PTPRN2: variants seen among roughly 807,000 people sequenced by gnomAD.
PTPRN2 encodes protein tyrosine phosphatase receptor type N2.
Under a neutral mutation model 118.8 loss-of-function variants are expected in PTPRN2, and 74 were observed. The observed-to-expected ratio is 0.62, with a 90% CI of 0.52 to 0.76. The LOEUF is 0.76. Ranked by LOEUF, PTPRN2 falls within the 30% of genes least tolerant of loss-of-function variation. The probability of loss-of-function intolerance (pLI) is 0.00; values close to 1 mark genes in which losing one functional copy is unlikely to be tolerated. For missense variants in PTPRN2, 1,481 were observed against 1,394.4 expected (o/e 1.06, Z -0.99); for synonymous variants, 641 against 608.0 (o/e 1.05, Z -0.80).
intron 2 of PTPRN2, among the ~76,000 whole-genome samples, chr7:158,419,591 G>A (rs561020028): frequency 2.0e-3 from 304 of 152,194 alleles, no homozygotes; most frequent in African/African-American, 6.9e-3. Context: ...GACTCACACA[G>A]CCCTCCTTCC....
intron 21 of PTPRN2, among the ~76,000 whole-genome samples, chr7:157,566,592 A>G (rs761154274): frequency 9.8e-5 from 15 of 152,296 alleles, no homozygotes; most frequent in South Asian, 6.2e-4. Flanking sequence ...AGGGTCACCA[A>G]TCTCAGAAAA....
intron 12 of PTPRN2, among the ~76,000 whole-genome samples, chr7:157,815,206 G>T (rs1013941261): frequency 6.6e-6 from 1 of 152,208 alleles, no homozygotes; most frequent in Non-Finnish European, 1.5e-5. Context: ...GTGGGCAGGC[G>T]CTGGGCACGC....
intron 3 of PTPRN2, among the ~76,000 whole-genome samples, chr7:158,252,038 G>A (rs545627471): frequency 3.3e-4 from 50 of 152,262 alleles, no homozygotes; most frequent in African/African-American, 1.0e-3. Flanking sequence ...CCTCCTCATC[G>A]TCTGTGGGAC....
intron 6 of PTPRN2, among the ~76,000 whole-genome samples, chr7:158,166,005 T>C (rs1450681742): frequency 2.6e-5 from 4 of 152,166 alleles, no homozygotes; most frequent in Non-Finnish European, 5.9e-5. Flanking sequence ...TACGGTCACA[T>C]GCTGGGCCAC....
In PTPRN2 at chr7:158,271,434, C is replaced by T. The variant is rs188785370; in HGVS notation, c.277+45385G>A. ...ATTTATAATGAAAAGCCACAATCAA[C>T]GCTAAGCAATACCAATGGTCACAAT... On this transcript the variant is annotated intron_variant, in intron 3 of 22. Transcript: ENST00000389418. 1.3e-3 allele frequency among the ~76,000 whole-genome samples: 203 copies of T among 152,312 alleles called. 2 individuals are homozygous for T. The highest frequency in any genetic ancestry group is 4.4e-3 in the African/African-American group (181 of 41,564).
intron 21 of PTPRN2, among the ~76,000 whole-genome samples, chr7:157,561,840 G>A (rs746098927): frequency 7.2e-5 from 11 of 152,230 alleles, no homozygotes; most frequent in Admixed American, 2.0e-4. Flanking sequence ...AGGAGGATGG[G>A]GCTTCTCTGT....
chr7:157,898,751 T>C lies in PTPRN2; in HGVS notation c.1724-14A>G, dbSNP rs764324181. 1.1e-5 allele frequency: 17 copies of C among 1,588,856 alleles called. No individual in the cohort carries two copies. The East Asian group carries it at 3.6e-4, about 33-fold the overall frequency. ...CTTTGTTGTCAACTGTTAGGAAAAA[T>C]CAGAAAGCACAAGAGTCAGGTTGGA... On this transcript the variant is annotated splice_polypyrimidine_tract_variant and intron_variant, in intron 11 of 22. Transcript: ENST00000389418.
intron 11 of PTPRN2, among the ~76,000 whole-genome samples, chr7:157,956,303 C>T (rs1202080285): frequency 2.0e-5 from 3 of 152,118 alleles, no homozygotes; most frequent in Non-Finnish European, 4.4e-5. Flanking sequence ...TGGGCTGCTG[C>T]TGTAGCCGTG....
intron 11 of PTPRN2, among the ~76,000 whole-genome samples, chr7:158,004,950 A>AAAC (rs1805537038): frequency 6.6e-6 from 1 of 152,224 alleles, no homozygotes; most frequent in Non-Finnish European, 1.5e-5. Flanking sequence ...ATAGATACAT[A>AAAC]AACAGTAAGA....
intron 2 of PTPRN2, among the ~76,000 whole-genome samples, chr7:158,351,754 A>G (rs1807955538): frequency 6.6e-6 from 1 of 151,982 alleles, no homozygotes. Context: ...GACAGATATC[A>G]TTTTCATTCA....
At chr7:158,130,771 A>G (rs926568638) in intron 9 of PTPRN2, among the ~76,000 whole-genome samples, 2 of 151,408 alleles carry the variant, frequency 1.3e-5, no homozygotes, top group African/African-American at 2.4e-5. Flanking sequence ...ACTCATATAC[A>G]TACATGCACA....
chr7:158,433,476 A>G (rs552760031), intron 2 of PTPRN2, among the ~76,000 whole-genome samples: 1 of 152,334 alleles, frequency 6.6e-6, no homozygotes, highest in South Asian at 2.1e-4. Context: ...GGTAAAAAAA[A>G]TACATAGCTA....
chr7:158,149,253 G>T (rs1020363891), intron 6 of PTPRN2, among the ~76,000 whole-genome samples: 2 of 151,804 alleles, frequency 1.3e-5, no homozygotes, highest in African/African-American at 4.8e-5. Context: ...ATAGTACAGG[G>T]AACCCAATTT....
At chr7:157,581,570 C>T (rs1800385008) in intron 17 of PTPRN2, among the ~76,000 whole-genome samples, 1 of 152,224 alleles carries the variant, frequency 6.6e-6, no homozygotes, top group Non-Finnish European at 1.5e-5. Context: ...GTGAGGTCTC[C>T]TGACAGCTGT....
Position 157,596,755 on chromosome 7 carries a change from A to C in PTPRN2, c.2419-1440T>G, listed in dbSNP as rs1801364565. 6.6e-6 allele frequency among the ~76,000 whole-genome samples: 1 copy of C among 152,226 alleles called. No individual in the cohort carries two copies. The highest frequency in any genetic ancestry group is 1.5e-5 in the Non-Finnish European group (1 of 68,038). On this transcript the variant is annotated intron_variant, in intron 16 of 22. Coordinates refer to ENST00000389418, the MANE Select transcript of PTPRN2 (RefSeq NM_002847.5). The surrounding 1 kb of genome is among the most constrained non-coding windows in gnomAD (Gnocchi z 4.2). ...ACCTTGGGGAGGCAGCCGCTTGTGC[A>C]TCTGACGCACAGTCCTTTCTTCTAT...
chr7:158,308,801 T>C (rs1326441977), intron 3 of PTPRN2, among the ~76,000 whole-genome samples: 1 of 152,100 alleles, frequency 6.6e-6, no homozygotes, highest in Non-Finnish European at 1.5e-5. Flanking sequence ...TTATTACTGA[T>C]CTTACAGACA....
At chr7:158,360,106 C>A (rs199719414) in intron 2 of PTPRN2, among the ~76,000 whole-genome samples, 5 of 113,592 alleles carry the variant, frequency 4.4e-5, no homozygotes, top group Admixed American at 8.6e-5. Flanking sequence ...ACGCACAGAC[C>A]CCACATCCAC....
chr7:157,649,205 G>A (rs1805427393), intron 14 of PTPRN2, among the ~76,000 whole-genome samples: 1 of 114,350 alleles, frequency 8.7e-6, no homozygotes, highest in Non-Finnish European at 1.9e-5. Context: ...ACTGAACTCG[G>A]TGGGTCAGAC....
chr7:157,829,659 G>A (rs572482972), intron 12 of PTPRN2, among the ~76,000 whole-genome samples: 1 of 152,248 alleles, frequency 6.6e-6, no homozygotes, highest in Admixed American at 6.5e-5. Context: ...TCTCTGCAAT[G>A]GAAGGACAGA....
Sources: allele counts gnomAD v4.1 joint callset (sites outside exome capture counted in the v4.1 genomes callset), GRCh38; gene constraint gnomAD v4.1.1; non-coding constraint Gnocchi (gnomAD v3.1); transcripts MANE v1.5; gene names NCBI Gene and HGNC (gene_info 2026-07-23, HGNC 2026-07-21).